MATN2: variants seen among roughly 807,000 people sequenced by gnomAD.
The protein encoded by MATN2 is matrilin 2.
MATN2 carries 69 observed loss-of-function variants against 103.2 expected under a neutral mutation model. The observed-to-expected ratio is 0.67, with a 90% CI of 0.55 to 0.82. The LOEUF (loss-of-function observed/expected upper bound fraction) is 0.82, where lower values mean the gene tolerates loss of function less well. Ranked by LOEUF, MATN2 falls within the 40% of genes least tolerant of loss-of-function variation. The probability of loss-of-function intolerance (pLI) is 0.00; values close to 1 mark genes in which losing one functional copy is unlikely to be tolerated. For synonymous variants in MATN2, 429 were observed against 450.2 expected (o/e 0.95, Z 0.60); for missense variants, 1,023 against 1,211.5 (o/e 0.84, Z 2.31).
At chr8:97,891,953 G>A (rs1484359373) in intron 2 of MATN2, among the ~76,000 whole-genome samples, 1 of 151,640 alleles carries the variant, frequency 6.6e-6, no homozygotes, top group Non-Finnish European at 1.5e-5. Context: ...ATAAAAAAAT[G>A]AGGCCGTGCA....
chr8:97,955,683 A>G (rs1811123516), intron 4 of MATN2, among the ~76,000 whole-genome samples: 1 of 152,216 alleles, frequency 6.6e-6, no homozygotes, highest in Non-Finnish European at 1.5e-5. Flanking sequence ...ACCGTAAGGA[A>G]CACCAAGACT....
Position 98,007,523 on chromosome 8 carries a change from T to G in MATN2, c.1495T>G (p.Cys499Gly). Reference sequence around the variant, plus strand: ...GAGTGACCATGGTTGTGAATACTCCTGTGTCAACATGGACAGATCCTTTGC... The same window carrying G: ...GAGTGACCATGGTTGTGAATACTCCGGTGTCAACATGGACAGATCCTTTGC... ...LLSDHGCEYS[C>G]VNMDRSFACQ... Residue 499 changes from cysteine to glycine, a missense_variant, in exon 10 of 19, where the codon TGT becomes GGT. Coordinates refer to ENST00000254898, the MANE Select transcript of MATN2 (RefSeq NM_002380.5). The surrounding 1 kb of genome is among the most constrained non-coding windows in gnomAD (Gnocchi z 4.2). 1 of 1,613,634 alleles carries G rather than the reference T, an allele frequency of 6.2e-7. No homozygotes were observed. The highest frequency in any genetic ancestry group is 8.5e-7 in the Non-Finnish European group (1 of 1,179,552).
At chr8:97,883,412 G>A (rs1219507164) in intron 1 of MATN2, among the ~76,000 whole-genome samples, 1 of 152,022 alleles carries the variant, frequency 6.6e-6, no homozygotes, top group Non-Finnish European at 1.5e-5. Context: ...TTTTGAGACA[G>A]AGTCTCATTC....
At chr8:97,887,963 C>A in intron 1 of MATN2, 112 bp from the exon 2 acceptor site, 2 of 981,792 alleles carry the variant, frequency 2.0e-6, no homozygotes, top group Non-Finnish European at 2.9e-6. Context: ...ATTTTGAGTG[C>A]AAGTGGTCTG....
chr8:97,916,688 C>T (rs1809642089), intron 2 of MATN2, among the ~76,000 whole-genome samples: 1 of 152,086 alleles, frequency 6.6e-6, no homozygotes, highest in East Asian at 1.9e-4. Flanking sequence ...ATAGCAAACT[C>T]CGAGAGAGGA....
chr8:97,920,487 C>T (rs920640425), intron 2 of MATN2, among the ~76,000 whole-genome samples: 2 of 152,172 alleles, frequency 1.3e-5, no homozygotes, highest in African/African-American at 4.8e-5. Context: ...AGATTATAGG[C>T]GTGAGCCACT....
At chr8:98,016,014 C>T (rs895940533) in intron 10 of MATN2, among the ~76,000 whole-genome samples, 9 of 152,110 alleles carry the variant, frequency 5.9e-5, no homozygotes, top group African/African-American at 2.2e-4. Flanking sequence ...CTAATATTTA[C>T]AAGTAATTTA....
At chr8:98,006,806 C>T (rs981600071) in intron 8 of MATN2, among the ~76,000 whole-genome samples, 2 of 152,192 alleles carry the variant, frequency 1.3e-5, no homozygotes, top group Non-Finnish European at 2.9e-5. Flanking sequence ...GAAGGCTGGG[C>T]ATGGTGTCAG....
In MATN2 at chr8:98,008,820, ATTC is replaced by A. The variant is rs543520324; in HGVS notation, c.1573+1224_1573+1226del. On this transcript the variant is annotated intron_variant, in intron 10 of 18. Transcript: ENST00000254898. ...GATTATTCTGAGAATAAGAGGAGTC[ATTC>A]TTCTGTCCACCTCGTTCCTGTAATA... Among the ~76,000 whole-genome samples the A allele has an allele frequency of 1.2e-3, 188 of 152,352 alleles. 1 individual carries two copies. Among genetic ancestry groups the A allele is most frequent in the African/African-American group, 4.4e-3 (181 of 41,590 alleles).
At chr8:97,965,256 G>A (rs533392498) in intron 5 of MATN2, among the ~76,000 whole-genome samples, 1 of 152,148 alleles carries the variant, frequency 6.6e-6, no homozygotes, top group Non-Finnish European at 1.5e-5. Flanking sequence ...AAAATCAGAC[G>A]TAAAGCCTAG....
At chr8:97,992,274 G>A (rs972378398) in intron 6 of MATN2, among the ~76,000 whole-genome samples, 1 of 152,192 alleles carries the variant, frequency 6.6e-6, no homozygotes, top group African/African-American at 2.4e-5. Context: ...TCTGGGTAAA[G>A]AGTATTTAAG....
At chr8:97,886,386 G>A (rs1818428671) in intron 1 of MATN2, among the ~76,000 whole-genome samples, 1 of 152,198 alleles carries the variant, frequency 6.6e-6, no homozygotes, top group South Asian at 2.1e-4. Context: ...GGTCCCTGAT[G>A]CCAAAAAGAT....
At chr8:97,880,691 T>G (rs932536559) in intron 1 of MATN2, among the ~76,000 whole-genome samples, 4 of 152,232 alleles carry the variant, frequency 2.6e-5, no homozygotes, top group African/African-American at 9.6e-5. Context: ...TTAATCCGAC[T>G]GGGCTGATGC....
chr8:97,972,351 A>AAAG (rs1554609522), intron 5 of MATN2, among the ~76,000 whole-genome samples: 9 of 150,310 alleles, frequency 6.0e-5, no homozygotes, highest in South Asian at 2.1e-4. Flanking sequence ...AAAAAAAAAA[A>AAAG]AAAAGAAAAG....
rs143998617 is a variant in MATN2 at position 97,915,143 on chromosome 8, T to G, written c.143-15810T>G. The stretch of plus-strand genomic sequence containing the variant: ...CTGGGACTACAGGCGCACGCCATCA[T>G]GCTTGGCTTGTGAAAAAACTTTTTT... On this transcript the variant is annotated intron_variant, in intron 2 of 18. Coordinates refer to ENST00000254898, the MANE Select transcript of MATN2 (RefSeq NM_002380.5). Among the ~76,000 whole-genome samples, 530 of 152,246 alleles carry G rather than the reference T, an allele frequency of 3.5e-3. 4 individuals are homozygous for G. The highest frequency in any genetic ancestry group is 0.017 in the Middle Eastern group (5 of 294).
At chr8:98,019,046 A>G (rs1438043722) in intron 12 of MATN2, among the ~76,000 whole-genome samples, 1 of 148,752 alleles carries the variant, frequency 6.7e-6, no homozygotes, top group Non-Finnish European at 1.5e-5. Flanking sequence ...TAGAAGACAT[A>G]TATATAATAT....
chr8:98,023,165 C>T (rs1273335680), intron 13 of MATN2, among the ~76,000 whole-genome samples: 1 of 152,106 alleles, frequency 6.6e-6, no homozygotes, highest in African/African-American at 2.4e-5. Flanking sequence ...ATCCCAGCTA[C>T]TTGAGAGGCT....
intron 6 of MATN2, among the ~76,000 whole-genome samples, chr8:97,990,118 G>A (rs2130343919): frequency 7.6e-6 from 1 of 131,636 alleles, no homozygotes; most frequent in South Asian, 2.6e-4. Flanking sequence ...GGAGGCAGAG[G>A]TTTCAGTGAG....
At chr8:97,955,932 G>T (rs538012275) in intron 4 of MATN2, among the ~76,000 whole-genome samples, 13 of 152,346 alleles carry the variant, frequency 8.5e-5, no homozygotes, top group Non-Finnish European at 1.8e-4. Context: ...CATAGCTGGG[G>T]GCTGGCTCTG....
Sources: gnomAD v4.1 joint callset for allele counts (sites outside exome capture counted in the v4.1 genomes callset) on GRCh38, gnomAD v4.1.1 for gene constraint, Gnocchi (gnomAD v3.1) non-coding constraint, MANE v1.5 for transcripts, NCBI Gene and HGNC (gene_info 2026-07-23, HGNC 2026-07-21) for gene names.